The following PIWIL3 variants were observed in gnomAD, a reference collection of about 807,000 sequenced individuals.
The protein encoded by PIWIL3 is piwi like RNA-mediated gene silencing 3.
In PIWIL3, 101 loss-of-function variants were observed where a neutral mutation model predicts 109.7. The observed-to-expected ratio is 0.92, with a 90% CI of 0.78 to 1.09. The LOEUF is 1.09. Ranked by LOEUF, PIWIL3 falls within the 50% of genes least tolerant of loss-of-function variation. PIWIL3 has a pLI of 0.00. For synonymous variants in PIWIL3, 373 were observed against 376.4 expected, an observed-to-expected ratio of 0.99 and a Z score of 0.10; for missense variants, 1,031 against 1,072.6, an observed-to-expected ratio of 0.96 and a Z score of 0.54.
At chr22:24,747,638 GAACA>G (rs922890392) in intron 12 of PIWIL3, among the ~76,000 whole-genome samples, 1 of 152,062 alleles carries the variant, frequency 6.6e-6, no homozygotes, top group African/African-American at 2.4e-5. Context: ...CAAAACACTT[GAACA>G]GACATTTCTG....
chr22:24,763,833 C>T (rs1925606774), intron 1 of PIWIL3, among the ~76,000 whole-genome samples: 1 of 151,922 alleles, frequency 6.6e-6, no homozygotes, highest in African/African-American at 2.4e-5. Context: ...TCTCCTGCCT[C>T]GGCCCTTTGG....
At chr22:24,740,403 C>G (rs1225916365) in intron 12 of PIWIL3, among the ~76,000 whole-genome samples, 1 of 151,266 alleles carries the variant, frequency 6.6e-6, no homozygotes, top group African/African-American at 2.4e-5. Flanking sequence ...AAAAAATTAG[C>G]CAGACATGGT....
At chr22:24,756,851 G>T in intron 4 of PIWIL3, 146 bp from the exon 5 acceptor site, 1 of 671,484 alleles carries the variant, frequency 1.5e-6, no homozygotes, top group Non-Finnish European at 2.5e-6. Flanking sequence ...AGGCCAAGGC[G>T]GGTGGATCAC....
intron 12 of PIWIL3, among the ~76,000 whole-genome samples, chr22:24,744,192 A>AAAAAAAAAAAAAAAAAAAAAAAAAAC (rs1924201235): frequency 6.8e-6 from 1 of 147,476 alleles, no homozygotes; most frequent in Non-Finnish European, 1.5e-5. Context: ...AAAAAAAAAA[A>AAAAAAAAAAAAAAAAAAAAAAAAAAC]AAAAAAAAAA....
intron 16 of PIWIL3, 60 bp from the exon 17 acceptor site, chr22:24,725,575 G>A: frequency 6.4e-7 from 1 of 1,566,188 alleles, no homozygotes; most frequent in African/African-American, 1.4e-5. Context: ...ATTTGAGTCT[G>A]CATTAATCTA....
chr22:24,734,344 A>G lies in PIWIL3; in HGVS notation c.1635-188T>C, dbSNP rs9612745. 7.6e-3 allele frequency among the ~76,000 whole-genome samples: 1,154 copies of G among 152,358 alleles called. 8 individuals carry two copies. Among genetic ancestry groups the G allele is most frequent in the Non-Finnish European group, 0.013 (883 of 68,034 alleles). ...GATTCTACTTGTAAGGAGCTTTGACATCACTACTCTGCCCTAACAGCAAGT... is the reference window on the plus strand; with the variant it reads ...GATTCTACTTGTAAGGAGCTTTGACGTCACTACTCTGCCCTAACAGCAAGT... On this transcript the variant is annotated intron_variant, in intron 13 of 20. Transcript: ENST00000616349.
chr22:24,734,275 G>C, intron 13 of PIWIL3, 119 bp from the exon 14 acceptor site: 2 of 1,398,864 alleles, frequency 1.4e-6, no homozygotes, highest in Non-Finnish European at 1.9e-6. Context: ...CATTTCAGTA[G>C]AAAGTATGTT....
At chr22:24,721,355 T>C (rs1356996127) in intron 19 of PIWIL3, among the ~76,000 whole-genome samples, 1 of 152,228 alleles carries the variant, frequency 6.6e-6, no homozygotes, top group African/African-American at 2.4e-5. Context: ...CACTATAACA[T>C]TTCTAAGTGT....
chr22:24,732,976 C>A (rs907805002), intron 14 of PIWIL3, among the ~76,000 whole-genome samples: 4 of 152,166 alleles, frequency 2.6e-5, no homozygotes, highest in Admixed American at 2.6e-4. Flanking sequence ...CCAATGGGGG[C>A]TTCTCTTACC....
intron 17 of PIWIL3, 63 bp from the exon 18 acceptor site, chr22:24,725,100 T>C: frequency 6.3e-7 from 1 of 1,583,040 alleles, no homozygotes; most frequent in African/African-American, 1.4e-5. Context: ...TTTGCTGCTT[T>C]TGACAAATTC....
intron 1 of PIWIL3, among the ~76,000 whole-genome samples, chr22:24,765,400 T>C (rs1925727836): frequency 6.6e-6 from 1 of 152,232 alleles, no homozygotes; most frequent in African/African-American, 2.4e-5. Flanking sequence ...TTCACTAAAC[T>C]TGAAGCAGTC....
chr22:24,763,866 G>A (rs1363827104), intron 1 of PIWIL3, among the ~76,000 whole-genome samples: 1 of 151,824 alleles, frequency 6.6e-6, no homozygotes, highest in African/African-American at 2.4e-5. Context: ...CAGCTCACCT[G>A]CCCTCCGTCC....
chr22:24,750,699 GC>G (rs1197128244), intron 9 of PIWIL3, among the ~76,000 whole-genome samples: 2 of 149,746 alleles, frequency 1.3e-5, no homozygotes, highest in African/African-American at 4.9e-5. Context: ...TTTTGGTCAG[GC>G]TGGTCTCGAT....
chr22:24,755,732 C>T, intron 6 of PIWIL3, 52 bp downstream of exon 6: 1 of 1,607,962 alleles, frequency 6.2e-7, no homozygotes, highest in Non-Finnish European at 8.5e-7. Flanking sequence ...CACACCACTA[C>T]ACAGTAAAAC....
chr22:24,764,458 A>G (rs574272010), intron 1 of PIWIL3, among the ~76,000 whole-genome samples: 1 of 152,300 alleles, frequency 6.6e-6, no homozygotes, highest in East Asian at 1.9e-4. Context: ...ATTCAAACCT[A>G]GAAGCACCCT....
chr22:24,735,987 G>C (rs1923635626), intron 12 of PIWIL3, 95 bp from the exon 13 acceptor site: 2 of 1,016,196 alleles, frequency 2.0e-6, no homozygotes, highest in Non-Finnish European at 2.8e-6. Context: ...ATCTCCTATA[G>C]AAATGTTACA....
At chr22:24,723,098 A>G in intron 19 of PIWIL3, 32 bp downstream of exon 19, 1 of 1,600,740 alleles carries the variant, frequency 6.2e-7, no homozygotes, top group African/African-American at 1.3e-5. Context: ...AGAAAATCAT[A>G]GAACCATGTG....
intron 13 of PIWIL3, 110 bp from the exon 14 acceptor site, chr22:24,734,266 A>AT: frequency 7.0e-7 from 1 of 1,426,560 alleles, no homozygotes; most frequent in East Asian, 2.5e-5. Flanking sequence ...CAAGATATGC[A>AT]TTTCAGTAGA....
intron 8 of PIWIL3, among the ~76,000 whole-genome samples, chr22:24,752,372 T>C (rs573320098): frequency 1.3e-5 from 2 of 152,274 alleles, no homozygotes; most frequent in East Asian, 3.9e-4. Flanking sequence ...GGTGTTATGG[T>C]GCCCGCCCAC....
Sources: gnomAD v4.1 joint callset for allele counts (sites outside exome capture counted in the v4.1 genomes callset) on GRCh38, gnomAD v4.1.1 for gene constraint, MANE v1.5 for transcripts, NCBI Gene and HGNC (gene_info 2026-07-23, HGNC 2026-07-21) for gene names.